Variants in EPHA3 observed in about 807,000 individuals in gnomAD.
The protein encoded by EPHA3 is EPH receptor A3.
In EPHA3, 42 loss-of-function variants were observed where a neutral mutation model predicts 107.1. The observed-to-expected ratio is 0.39, with a 90% CI of 0.31 to 0.51. The LOEUF (loss-of-function observed/expected upper bound fraction) is 0.51, where lower values mean the gene tolerates loss of function less well. Among genes scored for constraint, EPHA3 ranks in the 20% least tolerant of loss-of-function variants. The pLI, the probability that EPHA3 is intolerant of heterozygous loss-of-function variation, is 0.78. For synonymous variants in EPHA3, 461 were observed against 424.8 expected (o/e 1.09, Z -1.05); for missense variants, 1,183 against 1,211.2 (o/e 0.98, Z 0.35).
chr3:89,196,106 C>T (rs529203788), intron 2 of EPHA3, among the ~76,000 whole-genome samples: 1 of 152,140 alleles, frequency 6.6e-6, no homozygotes, highest in African/African-American at 2.4e-5. Flanking sequence ...GGATTCTTTA[C>T]TGCTGTTTCC....
At chr3:89,383,671 C>T (rs1248732329) in intron 5 of EPHA3, among the ~76,000 whole-genome samples, 4 of 101,422 alleles carry the variant, frequency 3.9e-5, no homozygotes, top group Admixed American at 1.4e-4. Flanking sequence ...TTTTTTGAGA[C>T]GGAGTCTCAC....
intron 5 of EPHA3, among the ~76,000 whole-genome samples, chr3:89,357,146 A>G (rs1387141023): frequency 7.0e-6 from 1 of 142,742 alleles, no homozygotes; most frequent in Non-Finnish European, 1.5e-5. Flanking sequence ...AGCACAATCA[A>G]GCAAAGATAT....
chr3:89,368,911 C>T (rs1576340202), intron 5 of EPHA3, among the ~76,000 whole-genome samples: 1 of 150,550 alleles, frequency 6.6e-6, no homozygotes, highest in East Asian at 1.9e-4. Flanking sequence ...TCATAGTTAG[C>T]AACCATTAAT....
intron 13 of EPHA3, among the ~76,000 whole-genome samples, chr3:89,443,904 A>C (rs1284581259): frequency 6.6e-6 from 1 of 152,158 alleles, no homozygotes; most frequent in Non-Finnish European, 1.5e-5. Context: ...AACTTTACCC[A>C]GTTACAGAAA....
chr3:89,169,474 A>G (rs756616166), intron 2 of EPHA3, among the ~76,000 whole-genome samples: 2 of 152,208 alleles, frequency 1.3e-5, no homozygotes, highest in Admixed American at 6.5e-5. Context: ...CTTTTCATGT[A>G]TAGAATAAAC....
At chr3:89,458,300 G>C (rs920599076) in intron 15 of EPHA3, among the ~76,000 whole-genome samples, 1 of 152,060 alleles carries the variant, frequency 6.6e-6, no homozygotes, top group Admixed American at 6.6e-5. Flanking sequence ...TTGAGCTTTG[G>C]AGAGCAGTGC....
intron 5 of EPHA3, among the ~76,000 whole-genome samples, chr3:89,368,920 A>G (rs1233254378): frequency 1.3e-5 from 2 of 150,556 alleles, no homozygotes; most frequent in Non-Finnish European, 3.0e-5. Context: ...GCAACCATTA[A>G]TTTTCCAGTT....
At chr3:89,345,080 T>C (rs1014752874) in intron 5 of EPHA3, among the ~76,000 whole-genome samples, 1 of 151,222 alleles carries the variant, frequency 6.6e-6, no homozygotes, top group African/African-American at 2.4e-5. Flanking sequence ...TTTTTTCTTC[T>C]GGACAAAAAC....
At chr3:89,373,452 C>A (rs2107474231) in intron 5 of EPHA3, among the ~76,000 whole-genome samples, 1 of 151,998 alleles carries the variant, frequency 6.6e-6, no homozygotes, top group East Asian at 1.9e-4. Flanking sequence ...CAAAACAAAA[C>A]CCTGGTGTAA....
chr3:89,354,352 A>C (rs746669199), intron 5 of EPHA3, among the ~76,000 whole-genome samples: 1 of 151,280 alleles, frequency 6.6e-6, no homozygotes, highest in Admixed American at 6.6e-5. Flanking sequence ...AAACTCTTTC[A>C]TAATAAATTC....
At chr3:89,191,307 TA>T (rs1471448173) in intron 2 of EPHA3, among the ~76,000 whole-genome samples, 1 of 151,520 alleles carries the variant, frequency 6.6e-6, no homozygotes, top group Non-Finnish European at 1.5e-5. Context: ...TAATTTTTTT[TA>T]TTTTTTTATT....
intron 3 of EPHA3, among the ~76,000 whole-genome samples, chr3:89,307,813 A>G (rs1383060418): frequency 6.6e-6 from 1 of 152,154 alleles, no homozygotes; most frequent in Non-Finnish European, 1.5e-5. Flanking sequence ...TGGGCCTCCC[A>G]AAGTGCTTGG....
At chr3:89,211,942 G>A (rs1301055939) in intron 3 of EPHA3, among the ~76,000 whole-genome samples, 1 of 151,748 alleles carries the variant, frequency 6.6e-6, no homozygotes, top group Non-Finnish European at 1.5e-5. Flanking sequence ...AAGGAGGGTA[G>A]AAAGAAATAT....
At chr3:89,261,044 C>T (rs937451494) in intron 3 of EPHA3, among the ~76,000 whole-genome samples, 5 of 152,188 alleles carry the variant, frequency 3.3e-5, no homozygotes, top group Non-Finnish European at 7.3e-5. Context: ...GCTGAGCTTG[C>T]TCTTCTTACA....
At chr3:89,314,113 A>G (rs1706836556) in intron 3 of EPHA3, among the ~76,000 whole-genome samples, 1 of 151,864 alleles carries the variant, frequency 6.6e-6, no homozygotes, top group Non-Finnish European at 1.5e-5. Flanking sequence ...GCTATCATGG[A>G]ATTTTTCACA....
chr3:89,300,782 G>A (rs1462301989), intron 3 of EPHA3, among the ~76,000 whole-genome samples: 2 of 152,000 alleles, frequency 1.3e-5, no homozygotes, highest in Non-Finnish European at 2.9e-5. Flanking sequence ...GATATCCTGT[G>A]TGGTGAGGCC....
chr3:89,431,403 C>T lies in EPHA3; in HGVS notation c.2346+44C>T, dbSNP rs1709566880. ...CTCCTTTTTTATCATTGTTTTCCAT[C>T]TTGTATCATGTTGATTTGTAAATAA... On this transcript the variant is annotated intron_variant, in intron 13 of 16. Transcript: ENST00000336596. The T allele has an allele frequency of 2.6e-6, 4 of 1,527,102 alleles. No individual in the cohort carries two copies. The East Asian group carries it at 9.1e-5, about 35-fold the overall frequency. 94.6% of individuals were successfully genotyped at this position (1,527,102 alleles called of 1,614,324 possible). A position where few individuals can be genotyped will look rare whatever the true frequency, so the allele number is the denominator to read the frequency against.
Position 89,113,742 on chromosome 3 carries a change from G to A in EPHA3, c.88+5906G>A, listed in dbSNP as rs546967581. On this transcript the variant is annotated intron_variant, in intron 1 of 16. Transcript: ENST00000336596. ...ACACTTAAAATGGGGTTGAGGTGGGGGGGGGCTGCATTTCTTTGTTTCTCC... is the reference window on the plus strand; with the variant it reads ...ACACTTAAAATGGGGTTGAGGTGGGAGGGGGCTGCATTTCTTTGTTTCTCC... 7.1e-4 allele frequency among the ~76,000 whole-genome samples: 81 copies of A among 113,958 alleles called. 1 individual carries two copies. The South Asian group carries it at 0.015, about 21-fold the overall frequency. The allele number at this position is 113,958 out of a possible 152,430, so 74.8% of individuals were successfully genotyped here. A position where few individuals can be genotyped will look rare whatever the true frequency, so the allele number is the denominator to read the frequency against.
chr3:89,138,574 C>T (rs2107009573), intron 2 of EPHA3, among the ~76,000 whole-genome samples: 1 of 151,838 alleles, frequency 6.6e-6, no homozygotes, highest in Non-Finnish European at 1.5e-5. Context: ...ATTTTGTGTG[C>T]CACCCTAAAA....
Sources: gnomAD v4.1 joint callset for allele counts (sites outside exome capture counted in the v4.1 genomes callset) on GRCh38, gnomAD v4.1.1 for gene constraint, MANE v1.5 for transcripts, NCBI Gene and HGNC (gene_info 2026-07-23, HGNC 2026-07-21) for gene names.